Variants in VPS13B observed in about 807,000 individuals in gnomAD.
VPS13B encodes intermembrane lipid transfer protein VPS13B.
In VPS13B, 285 loss-of-function variants were observed where a neutral mutation model predicts 426.4. That is an observed-to-expected ratio of 0.67 (90% CI 0.61 to 0.74). VPS13B has a LOEUF of 0.74. Among genes scored for constraint, VPS13B ranks in the 30% least tolerant of loss-of-function variants. The pLI is 0.00. For synonymous variants in VPS13B, 1,676 were observed against 1,676.4 expected, an observed-to-expected ratio of 1.00 and a Z score of 0.01; for missense variants, 4,537 against 4,782.6, an observed-to-expected ratio of 0.95 and a Z score of 1.51.
intron 19 of VPS13B, among the ~76,000 whole-genome samples, chr8:99,322,815 CAA>C (rs1293880702): frequency 6.6e-6 from 1 of 152,176 alleles, no homozygotes; most frequent in Non-Finnish European, 1.5e-5. Context: ...AGGATAGAAA[CAA>C]AGACACAAGG....
intron 22 of VPS13B, among the ~76,000 whole-genome samples, chr8:99,436,967 C>G (rs2133425983): frequency 6.6e-6 from 1 of 152,254 alleles, no homozygotes; most frequent in African/African-American, 2.4e-5. Context: ...TCTCCATCTC[C>G]TGACCTCGTG....
At chr8:99,148,116 G>A (rs1294675799) in intron 14 of VPS13B, 106 bp downstream of exon 14, 1 of 1,261,256 alleles carries the variant, frequency 7.9e-7, no homozygotes, top group Non-Finnish European at 1.1e-6. Flanking sequence ...AGTGGCTTGA[G>A]TGTGTAATCC....
chr8:99,336,591 A>G (rs1219770543), intron 19 of VPS13B, among the ~76,000 whole-genome samples: 2 of 152,144 alleles, frequency 1.3e-5, no homozygotes, highest in Non-Finnish European at 2.9e-5. Context: ...CAAAATGGGA[A>G]AAAATTTTCG....
At chr8:99,470,997 C>T (rs1267663211) in intron 24 of VPS13B, among the ~76,000 whole-genome samples, 3 of 152,036 alleles carry the variant, frequency 2.0e-5, no homozygotes, top group Non-Finnish European at 4.4e-5. Context: ...AGACAGAAGA[C>T]ATTGGAACAA....
At chr8:99,583,863 G>A (rs1023503339) in intron 33 of VPS13B, among the ~76,000 whole-genome samples, 5 of 152,032 alleles carry the variant, frequency 3.3e-5, no homozygotes, top group Admixed American at 1.3e-4. Flanking sequence ...TTTTCTGGTC[G>A]GTCTTGCTGC....
intron 17 of VPS13B, chr8:99,234,037 C>T: frequency 1.3e-6 from 1 of 776,340 alleles, no homozygotes; most frequent in Non-Finnish European, 2.4e-6. Context: ...CACCAACAAA[C>T]TGGGTTGGAT....
intron 34 of VPS13B, among the ~76,000 whole-genome samples, chr8:99,652,178 A>C (rs998095664): frequency 2.0e-5 from 3 of 152,124 alleles, no homozygotes; most frequent in Admixed American, 6.5e-5. Context: ...TGAAATATGG[A>C]GTCCTATGAG....
In VPS13B at chr8:99,517,964, A is replaced by G. The variant is rs572934365; in HGVS notation, c.4634-2935A>G. 6.6e-5 allele frequency among the ~76,000 whole-genome samples: 10 copies of G among 152,042 alleles called. No homozygotes were observed. The East Asian group carries it at 1.9e-3, about 29-fold the overall frequency. ...GGTGATATATTTTGATAAGTTGAAT[A>G]CTTTCTATAATAAAATTAATTATTT... is the stretch of plus-strand genomic sequence containing the variant. On this transcript the variant is annotated intron_variant, in intron 29 of 61. Transcript: ENST00000357162.
chr8:99,017,099 G>A (rs947477208), intron 2 of VPS13B, among the ~76,000 whole-genome samples: 5 of 152,072 alleles, frequency 3.3e-5, no homozygotes, highest in African/African-American at 4.8e-5. Context: ...CACCAACATC[G>A]TGAAAATATT....
chr8:99,508,108 C>T (rs1436100950), intron 28 of VPS13B, among the ~76,000 whole-genome samples: 1 of 152,166 alleles, frequency 6.6e-6, no homozygotes, highest in Non-Finnish European at 1.5e-5. Context: ...TGCATGAGTA[C>T]AGACTAATTT....
At chr8:99,531,668 C>A (rs1193996855) in intron 30 of VPS13B, among the ~76,000 whole-genome samples, 2 of 151,730 alleles carry the variant, frequency 1.3e-5, no homozygotes, top group East Asian at 3.9e-4. Flanking sequence ...TTTTATATAG[C>A]AAAATTATAG....
chr8:99,856,108 G>A lies in VPS13B; in HGVS notation c.10867+1852G>A, dbSNP rs564606334. 7.2e-5 allele frequency among the ~76,000 whole-genome samples: 11 copies of A among 152,340 alleles called. No homozygotes were observed. The East Asian group carries it at 1.2e-3, about 16-fold the overall frequency. On this transcript the variant is annotated intron_variant, in intron 56 of 61. Transcript: ENST00000357162. ...CACCAAGTAACGGGCCCTGCAGCCC[G>A]TGTGCTAAAAACGAGCTCTCTTTGT...
chr8:99,642,465 C>T lies in VPS13B; in HGVS notation c.5875C>T (p.Leu1959Phe). 6.2e-7 allele frequency: 1 copy of T among 1,613,870 alleles called. No homozygotes were observed. The change falls in exon 34 of 62, where the codon CTT (leucine) becomes TTT (phenylalanine). Residue 1959 changes from leucine to phenylalanine, a missense_variant. This residue lies in a region of VPS13B where 4,311 missense variants were observed against 4,474.3 expected (regional missense o/e 0.96). Transcript: ENST00000357162. ...RVEVSIFDAV[L>F]KGVASDYKCI... ...GGAAGTATCCATTTTTGATGCTGTG[C>T]TTAAAGGGGTGGCCTCTGATTACAA...
intron 19 of VPS13B, among the ~76,000 whole-genome samples, chr8:99,354,893 C>T (rs544569352): frequency 5.9e-5 from 9 of 152,022 alleles, no homozygotes. Context: ...CTGATTCGGG[C>T]AACACTCAGA....
In VPS13B at chr8:99,853,856, C is replaced by T; in HGVS notation, c.10467C>T (p.Ser3489=). The T allele has an allele frequency of 6.2e-7, 1 of 1,614,246 alleles. No individual in the cohort carries two copies. Among genetic ancestry groups the T allele is most frequent in the Non-Finnish European group, 8.5e-7 (1 of 1,180,052 alleles). ...GCATCACCTTAAATGAAGGCAAGAG[C>T]ATCCTCTGTGATATTAATGAGTTCA... ...KLCITLNEGK[S]ILCDINEFSF... The change falls in exon 56 of 62, where the codon AGC becomes AGT. Residue 3489 remains serine, a synonymous_variant. Transcript: ENST00000357162.
chr8:99,314,730 C>T (rs556180164), intron 19 of VPS13B, among the ~76,000 whole-genome samples: 36 of 152,202 alleles, frequency 2.4e-4, no homozygotes, highest in Non-Finnish European at 4.0e-4. Flanking sequence ...GGATTATGAG[C>T]GAGAACCACT....
At chr8:99,299,218 C>T (rs1243032527) in intron 19 of VPS13B, among the ~76,000 whole-genome samples, 3 of 151,862 alleles carry the variant, frequency 2.0e-5, no homozygotes, top group Admixed American at 1.3e-4. Context: ...CCCACCACTA[C>T]ACCCGGCTAA....
chr8:99,144,548 C>A (rs142737377), intron 13 of VPS13B, among the ~76,000 whole-genome samples: 1 of 151,770 alleles, frequency 6.6e-6, no homozygotes, highest in East Asian at 1.9e-4. Flanking sequence ...TACTTTTGTC[C>A]CAGCAACTTT....
intron 17 of VPS13B, among the ~76,000 whole-genome samples, chr8:99,207,521 A>C (rs1424245655): frequency 1.3e-5 from 2 of 152,198 alleles, no homozygotes; most frequent in East Asian, 3.8e-4. Context: ...TGTACAGAGT[A>C]GATTTGAGAA....
Sources: gnomAD v4.1 joint callset for allele counts (sites outside exome capture counted in the v4.1 genomes callset) on GRCh38, gnomAD v4.1.1 for gene constraint, gnomAD v4.1.1 regional missense constraint, MANE v1.5 for transcripts, NCBI Gene and HGNC (gene_info 2026-07-23, HGNC 2026-07-21) for gene names.